DENND4A: variants seen among roughly 807,000 people sequenced by gnomAD.
DENND4A encodes DENN domain containing 4A, also known as C-myc promoter-binding protein.
In DENND4A, 70 loss-of-function variants were observed where a neutral mutation model predicts 199.3. The ratio of observed to expected loss-of-function variants is 0.35; its 90% CI spans 0.29 to 0.43. The LOEUF is 0.43. Among genes scored for constraint, DENND4A ranks in the 20% least tolerant of loss-of-function variants. DENND4A has a pLI of 1.00. For missense variants in DENND4A, 1,723 were observed against 2,255.8 expected (o/e 0.76, Z 4.78); for synonymous variants, 686 against 766.9 (o/e 0.89, Z 1.74).
At chr15:65,682,165 T>C (rs2076600205) in intron 23 of DENND4A, among the ~76,000 whole-genome samples, 1 of 152,188 alleles carries the variant, frequency 6.6e-6, no homozygotes, top group Non-Finnish European at 1.5e-5. Context: ...CTTTGAAGCC[T>C]GGACGCCGGA....
intron 23 of DENND4A, among the ~76,000 whole-genome samples, chr15:65,679,098 T>C (rs1354540571): frequency 6.6e-6 from 1 of 151,538 alleles, no homozygotes; most frequent in East Asian, 2.0e-4. Flanking sequence ...GACTTTATGA[T>C]TTTATTATTA....
At chr15:65,700,742 A>G in intron 19 of DENND4A, 67 bp from the exon 20 acceptor site, 1 of 1,414,674 alleles carries the variant, frequency 7.1e-7, no homozygotes, top group East Asian at 2.7e-5. Context: ...TTGTTGCTCA[A>G]GCTAATAATC....
At position 65,737,742 on chromosome 15, in the gene DENND4A, A is replaced by G. The variant is rs755564037; in HGVS notation, c.1005T>C (p.Tyr335=). Residue 335 remains tyrosine (Y), a synonymous_variant, in exon 7 of 33, where the codon TAT becomes TAC. Coordinates refer to ENST00000443035, the MANE Select transcript of DENND4A (RefSeq NM_001320835.1). ...GAAGGACATGAGGCCCAGAGATGGA[A>G]TAACGATACAGAAAAGTCAGAAACT... ...FRKFLTFLYR[Y]SISGPHVLPI... The G allele has an allele frequency of 6.3e-7, 1 of 1,584,668 alleles. No homozygotes were observed. Among genetic ancestry groups the G allele is most frequent in the Non-Finnish European group, 8.6e-7 (1 of 1,164,742 alleles).
Position 65,681,090 on chromosome 15 carries a change from T to C in DENND4A, c.4180-4456A>G, listed in dbSNP as rs1236526058. 3.3e-5 allele frequency: 5 copies of C among 152,374 alleles called. No individual in the cohort carries two copies. The East Asian group carries it at 9.6e-4, about 29-fold the overall frequency. 9.4% of individuals were successfully genotyped at this position (152,374 alleles called of 1,614,324 possible). A position where few individuals can be genotyped will look rare whatever the true frequency, so the allele number is the denominator to read the frequency against. ...ATGTGATGCTGTCTGACAACTTTCT[T>C]TGCTCATCCATTAGAAGCAACTCCT... On this transcript the variant is annotated intron_variant, in intron 23 of 32. Transcript: ENST00000443035.
intron 14 of DENND4A, among the ~76,000 whole-genome samples, chr15:65,709,520 AC>A (rs1294020258): frequency 3.3e-5 from 5 of 151,610 alleles, no homozygotes; most frequent in African/African-American, 1.2e-4. Flanking sequence ...AACCTGACCA[AC>A]ATGGAGAAAC....
Position 65,711,621 on chromosome 15 carries a change from T to A in DENND4A, c.1953+3857A>T, listed in dbSNP as rs368884769. Among the ~76,000 whole-genome samples the A allele has an allele frequency of 1.7e-3, 266 of 152,292 alleles. 2 individuals are homozygous for A. Among genetic ancestry groups the A allele is most frequent in the African/African-American group, 6.0e-3 (249 of 41,566 alleles). ...TTATTCAAAATGTAGAAAATAAATC[T>A]TCCCCCAAAACAATCTACTTTCTGG... is the stretch of plus-strand genomic sequence containing the variant. On this transcript the variant is annotated intron_variant, in intron 14 of 32. Coordinates refer to ENST00000443035, the MANE Select transcript of DENND4A (RefSeq NM_001320835.1).
chr15:65,675,663 A>G (rs1424822312), intron 24 of DENND4A, among the ~76,000 whole-genome samples: 1 of 152,182 alleles, frequency 6.6e-6, no homozygotes, highest in Non-Finnish European at 1.5e-5. Context: ...TTCATTTATA[A>G]GAGAAATAGA....
At chr15:65,680,104 A>G (rs2076521143) in intron 23 of DENND4A, among the ~76,000 whole-genome samples, 1 of 152,230 alleles carries the variant, frequency 6.6e-6, no homozygotes, top group Non-Finnish European at 1.5e-5. Context: ...AACAACGCCT[A>G]GCCTAACTAT....
intron 1 of DENND4A, among the ~76,000 whole-genome samples, chr15:65,788,897 G>C (rs989702255): frequency 3.5e-5 from 5 of 141,818 alleles, no homozygotes; most frequent in African/African-American, 1.3e-4. Context: ...ATTCAGAATA[G>C]AGAAAAGCAC....
chr15:65,767,783 A>G (rs2077023973), intron 1 of DENND4A, among the ~76,000 whole-genome samples: 1 of 152,204 alleles, frequency 6.6e-6, no homozygotes, highest in African/African-American at 2.4e-5. Flanking sequence ...TATAAACTTA[A>G]AACATATATA....
At chr15:65,709,719 A>AAAAAAC (rs1218030026) in intron 14 of DENND4A, among the ~76,000 whole-genome samples, 1 of 51,470 alleles carries the variant, frequency 1.9e-5, no homozygotes, top group Non-Finnish European at 3.1e-5. Context: ...AAAAAAAAAA[A>AAAAAAC]ATATATATAT....
chr15:65,708,337 C>CT (rs142021932), intron 14 of DENND4A, among the ~76,000 whole-genome samples: 26 of 152,030 alleles, frequency 1.7e-4, no homozygotes, highest in African/African-American at 2.7e-4. Context: ...AGTTCTCACT[C>CT]TTTTTTTTAG....
At chr15:65,703,626 G>A (rs1851336698) in intron 15 of DENND4A, among the ~76,000 whole-genome samples, 1 of 152,190 alleles carries the variant, frequency 6.6e-6, no homozygotes, top group Admixed American at 6.5e-5. Context: ...CTATTAGGAG[G>A]TAAACCTAAT....
At chr15:65,668,314 T>A (rs1402001664) in intron 27 of DENND4A, among the ~76,000 whole-genome samples, 191 bp from the exon 28 acceptor site, 1 of 151,664 alleles carries the variant, frequency 6.6e-6, no homozygotes, top group Admixed American at 6.6e-5. Context: ...GCTCAAGCGA[T>A]CCTCCCACCT....
intron 2 of DENND4A, among the ~76,000 whole-genome samples, chr15:65,759,690 T>C (rs952036551): frequency 3.9e-5 from 6 of 152,306 alleles, no homozygotes; most frequent in African/African-American, 1.2e-4. Flanking sequence ...TGCTGACTTA[T>C]CACCCTCAGC....
In DENND4A at chr15:65,665,432, T is replaced by G. The variant is rs1169873448; in HGVS notation, c.5272A>C (p.Lys1758Gln). The G allele has an allele frequency of 1.9e-6, 3 of 1,613,322 alleles. No individual in the cohort carries two copies. ...CATAACATTTGTATTAAAACATATT[T>G]GCTATCTTCAGACATACAGTGGCGG... is the stretch of plus-strand genomic sequence containing the variant. ...IPRHCMSEDS[K>Q]YVLIQMLWDN... Residue 1758 changes from lysine to glutamine, a missense_variant, in exon 30 of 33, where the codon AAA becomes CAA. Around this residue, in one of 6 missense-constraint regions of DENND4A, gnomAD observed 164 missense variants for 280.1 expected, o/e 0.59. Transcript: ENST00000443035.
chr15:65,721,793 T>C (rs2075654610), intron 12 of DENND4A, among the ~76,000 whole-genome samples: 1 of 151,888 alleles, frequency 6.6e-6, no homozygotes. Context: ...TATACCACTA[T>C]TGACTGTACT....
intron 4 of DENND4A, among the ~76,000 whole-genome samples, chr15:65,742,827 G>A (rs2076295051): frequency 1.2e-4 from 19 of 152,098 alleles, no homozygotes; most frequent in Admixed American, 1.2e-3. Flanking sequence ...AATGAGGGTA[G>A]GGATTTTGTT....
At chr15:65,722,824 C>T (rs1286007937) in intron 12 of DENND4A, 24 bp downstream of exon 12, 1 of 1,529,766 alleles carries the variant, frequency 6.5e-7, no homozygotes, top group Non-Finnish European at 8.8e-7. Flanking sequence ...TAAATTACCT[C>T]CTTTAATTAA....
Sources: allele counts gnomAD v4.1 joint callset (sites outside exome capture counted in the v4.1 genomes callset), GRCh38; gene constraint gnomAD v4.1.1; regional missense constraint gnomAD v4.1.1; transcripts MANE v1.5; gene names NCBI Gene and HGNC (gene_info 2026-07-23, HGNC 2026-07-21).